LINGO2: variants seen among roughly 807,000 people sequenced by gnomAD.
LINGO2 encodes the protein leucine-rich repeat and immunoglobulin-like domain-containing nogo receptor-interacting protein 2.
A neutral mutation model predicts 30.6 loss-of-function variants in LINGO2; 14 were observed. That is an observed-to-expected ratio of 0.46 (90% CI 0.30 to 0.72). The LOEUF is 0.72. LINGO2 is among the 30% of genes least tolerant of loss of function. The probability of loss-of-function intolerance (pLI) is 0.07; values close to 1 mark genes in which losing one functional copy is unlikely to be tolerated. For synonymous variants in LINGO2, 317 were observed against 288.5 expected (o/e 1.10, Z -1.00); for missense variants, 729 against 751.7 (o/e 0.97, Z 0.35).
the LINGO2 span, among the ~76,000 whole-genome samples, chr9:28,796,986 T>A: frequency 1.3e-5 from 2 of 151,784 alleles, no homozygotes; most frequent in African/African-American, 4.8e-5. Context: ...TCTTTATGTA[T>A]AAATTAATTT....
At chr9:28,301,259 A>G (rs1824129901) in intron 3 of LINGO2, among the ~76,000 whole-genome samples, 1 of 152,040 alleles carries the variant, frequency 6.6e-6, no homozygotes, top group Admixed American at 6.5e-5. Flanking sequence ...CTTGGCCACC[A>G]GTTTGAGATC....
the LINGO2 span, among the ~76,000 whole-genome samples, chr9:29,054,087 A>C: frequency 6.6e-6 from 1 of 152,152 alleles, no homozygotes; most frequent in Non-Finnish European, 1.5e-5. Context: ...ATATGTACGG[A>C]CTATGGTTCT....
chr9:27,950,388 T>C lies in LINGO2; in HGVS notation c.284A>G (p.Asn95Ser), dbSNP rs761477487. Residue 95 changes from asparagine to serine, a missense_variant, in exon 6 of 6, where the codon AAT (asparagine) becomes AGT (serine). Physicochemically the swap from Asn to Ser is conservative, Grantham distance 46. Transcript: ENST00000379992. ...ATTGTTGAATGCTCCTGGTTCCACA[T>C]TGGCAATGATGTTGTCACTCAAGTC... 35 of 1,614,038 alleles carry C rather than the reference T, an allele frequency of 2.2e-5. No homozygotes were observed. The highest frequency in any genetic ancestry group is 1.6e-4 in the Middle Eastern group (1 of 6,084).
chr9:29,110,378 G>A, the LINGO2 span, among the ~76,000 whole-genome samples: 4,047 of 152,186 alleles, frequency 0.027, 193 homozygotes, highest in African/African-American at 0.093. Context: ...CGTCGCCCAG[G>A]CTGGAGTGCA....
At chr9:28,076,022 ATCT>A (rs989084294) in intron 4 of LINGO2, among the ~76,000 whole-genome samples, 3 of 151,958 alleles carry the variant, frequency 2.0e-5, no homozygotes, top group Non-Finnish European at 4.4e-5. Flanking sequence ...TGAATGGCTC[ATCT>A]TCTTCCTAAT....
intron 4 of LINGO2, among the ~76,000 whole-genome samples, chr9:28,019,177 C>T (rs1353017409): frequency 6.6e-6 from 1 of 152,014 alleles, no homozygotes; most frequent in Non-Finnish European, 1.5e-5. Context: ...GGGTACTATG[C>T]TTTTACCTGA....
At chr9:28,479,265 C>T (rs1434149262) in intron 1 of LINGO2, among the ~76,000 whole-genome samples, 1 of 151,736 alleles carries the variant, frequency 6.6e-6, no homozygotes, top group Admixed American at 6.6e-5. Context: ...TATGCTCAGC[C>T]TTGTTTTTAT....
the LINGO2 span, among the ~76,000 whole-genome samples, chr9:28,679,587 C>T: frequency 6.6e-6 from 1 of 152,052 alleles, no homozygotes; most frequent in African/African-American, 2.4e-5. Context: ...TATACAACTT[C>T]ATGAGTTTGA....
chr9:29,135,712 T>A, the LINGO2 span, among the ~76,000 whole-genome samples: 1 of 152,172 alleles, frequency 6.6e-6, no homozygotes, highest in African/African-American at 2.4e-5. Flanking sequence ...AATAGAGTTA[T>A]GCAACCAACC....
the LINGO2 span, among the ~76,000 whole-genome samples, chr9:28,728,617 A>G: frequency 5.3e-5 from 8 of 152,116 alleles, no homozygotes; most frequent in African/African-American, 1.9e-4. Flanking sequence ...CTTATAATGG[A>G]CGGAAAAAAA....
chr9:28,226,892 T>C (rs1420710358), intron 4 of LINGO2, among the ~76,000 whole-genome samples: 1 of 152,068 alleles, frequency 6.6e-6, no homozygotes, highest in African/African-American at 2.4e-5. Flanking sequence ...CAATTGACCT[T>C]AGTAAGTACT....
chr9:27,989,477 GTA>G (rs150074288), intron 5 of LINGO2, among the ~76,000 whole-genome samples: 1 of 150,124 alleles, frequency 6.7e-6, no homozygotes, highest in African/African-American at 2.4e-5. Flanking sequence ...GTGTGTGTGT[GTA>G]TGTGTGCAGG....
At chr9:27,987,058 C>G (rs1473205539) in intron 5 of LINGO2, among the ~76,000 whole-genome samples, 2 of 150,524 alleles carry the variant, frequency 1.3e-5, no homozygotes, top group Non-Finnish European at 3.0e-5. Flanking sequence ...GTGTGAGTTT[C>G]AGCAAAATTG....
chr9:29,007,838 T>G, the LINGO2 span, among the ~76,000 whole-genome samples: 5 of 152,146 alleles, frequency 3.3e-5, no homozygotes, highest in Admixed American at 3.3e-4. Flanking sequence ...CATAAAAATC[T>G]ACAATTTCTT....
At chr9:28,056,201 ATAT>A (rs1396229344) in intron 4 of LINGO2, among the ~76,000 whole-genome samples, 1 of 152,074 alleles carries the variant, frequency 6.6e-6, no homozygotes, top group African/African-American at 2.4e-5. Context: ...TAACAGGTTT[ATAT>A]TATTACTAAC....
intron 4 of LINGO2, among the ~76,000 whole-genome samples, chr9:28,266,290 A>G (rs1334881242): frequency 1.3e-5 from 2 of 152,000 alleles, no homozygotes; most frequent in Non-Finnish European, 2.9e-5. Context: ...CTTGAATAGT[A>G]TAATGTTTCA....
intron 2 of LINGO2, among the ~76,000 whole-genome samples, chr9:28,429,572 C>T (rs1823562691): frequency 6.6e-6 from 1 of 152,078 alleles, no homozygotes; most frequent in South Asian, 2.1e-4. Flanking sequence ...AGGTCAACCA[C>T]CCCCACCTTT....
At chr9:28,365,396 T>G (rs557965474) in intron 3 of LINGO2, among the ~76,000 whole-genome samples, 1 of 152,234 alleles carries the variant, frequency 6.6e-6, no homozygotes, top group East Asian at 1.9e-4. Flanking sequence ...GAAATATGAC[T>G]AAGAGCTAAG....
the LINGO2 span, among the ~76,000 whole-genome samples, chr9:28,851,786 T>C: frequency 1.3e-5 from 2 of 151,996 alleles, no homozygotes; most frequent in Non-Finnish European, 2.9e-5. Context: ...GCCCTAGCCA[T>C]GCCTACTTCT....
Sources: allele counts gnomAD v4.1 joint callset (sites outside exome capture counted in the v4.1 genomes callset), GRCh38; gene constraint gnomAD v4.1.1; transcripts MANE v1.5; gene names NCBI Gene and HGNC (gene_info 2026-07-23, HGNC 2026-07-21).